Variants in SH3GL3 observed in about 807,000 individuals in gnomAD.
SH3GL3 encodes the protein SH3 domain containing GRB2 like 3, endophilin A3, also known as endophilin-A3.
SH3GL3 carries 33 observed loss-of-function variants against 47.7 expected under a neutral mutation model. The ratio of observed to expected loss-of-function variants is 0.69; its 90% CI spans 0.52 to 0.92. SH3GL3 has a LOEUF of 0.92. SH3GL3 is among the 40% of genes least tolerant of loss of function. The probability of loss-of-function intolerance (pLI) is 0.00; values close to 1 mark genes in which losing one functional copy is unlikely to be tolerated. For synonymous variants in SH3GL3, 155 were observed against 148.8 expected, an observed-to-expected ratio of 1.04 and a Z score of -0.30; for missense variants, 363 against 417.8, an observed-to-expected ratio of 0.87 and a Z score of 1.14.
intron 6 of SH3GL3, among the ~76,000 whole-genome samples, chr15:83,585,713 G>C (rs1284555150): frequency 1.3e-5 from 2 of 152,170 alleles, no homozygotes; most frequent in Non-Finnish European, 2.9e-5. Flanking sequence ...TTAAGGCTAG[G>C]CTTGTTGCTT....
chr15:83,447,615 C>A lies in SH3GL3; in HGVS notation c.45+37C>A. 2.1e-6 allele frequency: 3 copies of A among 1,423,932 alleles called. No individual in the cohort carries two copies. Among genetic ancestry groups the A allele is most frequent in the Non-Finnish European group, 2.8e-6 (3 of 1,062,382 alleles). The allele number at this position is 1,423,932 out of a possible 1,614,324, so 88.2% of individuals were successfully genotyped here. ...CAGAGGAGGGAAGGAGGGAGGGGGA[C>A]GCGGAGGCTGCGGCCCCCCGAGGCT... On this transcript the variant is annotated intron_variant, in intron 1 of 8. Coordinates refer to ENST00000427482, the MANE Select transcript of SH3GL3 (RefSeq NM_003027.5). This position sits in a 1 kb window ranked among gnomAD's most constrained non-coding sequence, Gnocchi z 5.1.
chr15:83,472,852 C>G (rs1000381346), intron 1 of SH3GL3, among the ~76,000 whole-genome samples: 1 of 152,122 alleles, frequency 6.6e-6, no homozygotes, highest in Admixed American at 6.5e-5. Context: ...TGACATTGCT[C>G]TGGTAGGGGA....
chr15:83,524,904 A>G (rs1286358980), intron 1 of SH3GL3, among the ~76,000 whole-genome samples: 1 of 151,932 alleles, frequency 6.6e-6, no homozygotes, highest in Non-Finnish European at 1.5e-5. Flanking sequence ...TTCTTTATCC[A>G]TTTATTTGTT....
intron 7 of SH3GL3, among the ~76,000 whole-genome samples, chr15:83,587,378 T>C (rs2059981949): frequency 6.6e-6 from 1 of 152,106 alleles, no homozygotes; most frequent in Admixed American, 6.5e-5. Context: ...CAAGTTGCTC[T>C]CCCACCTGGG....
chr15:83,474,020 GTCT>G (rs772122245), intron 1 of SH3GL3, among the ~76,000 whole-genome samples: 1 of 152,024 alleles, frequency 6.6e-6, no homozygotes, highest in Non-Finnish European at 1.5e-5. Context: ...ACCTTTCAGA[GTCT>G]TCTTATGTTT....
At chr15:83,449,936 T>TA (rs2039655778) in intron 1 of SH3GL3, among the ~76,000 whole-genome samples, 1 of 152,146 alleles carries the variant, frequency 6.6e-6, no homozygotes, top group South Asian at 2.1e-4. Flanking sequence ...AGCTCAATAA[T>TA]AAAAAATGCC....
intron 1 of SH3GL3, among the ~76,000 whole-genome samples, chr15:83,499,690 C>T (rs2042219753): frequency 6.6e-6 from 1 of 152,128 alleles, no homozygotes; most frequent in South Asian, 2.1e-4. Context: ...ATGAAATGAC[C>T]ACTGAATGGT....
chr15:83,450,225 A>G (rs1201683109), intron 1 of SH3GL3, among the ~76,000 whole-genome samples: 1 of 152,236 alleles, frequency 6.6e-6, no homozygotes, highest in African/African-American at 2.4e-5. Flanking sequence ...AATATGCTGA[A>G]AACCACTGAA....
chr15:83,495,226 C>T (rs1489820895), intron 1 of SH3GL3, among the ~76,000 whole-genome samples: 1 of 152,144 alleles, frequency 6.6e-6, no homozygotes, highest in Non-Finnish European at 1.5e-5. Context: ...GCCATGGCTC[C>T]TCTCCTGCTG....
At chr15:83,560,739 C>A (rs1350167169) in intron 2 of SH3GL3, among the ~76,000 whole-genome samples, 1 of 152,008 alleles carries the variant, frequency 6.6e-6, no homozygotes, top group African/African-American at 2.4e-5. Context: ...AGAAGAGATG[C>A]ATTAGATGGT....
intron 1 of SH3GL3, among the ~76,000 whole-genome samples, chr15:83,537,329 G>A (rs1179182692): frequency 1.3e-5 from 2 of 152,172 alleles, no homozygotes; most frequent in Non-Finnish European, 2.9e-5. Flanking sequence ...GGGGACAAAT[G>A]CCCCAGTTGC....
intron 8 of SH3GL3, among the ~76,000 whole-genome samples, chr15:83,612,949 G>C (rs2060710449): frequency 6.6e-6 from 1 of 152,170 alleles, no homozygotes; most frequent in Non-Finnish European, 1.5e-5. Context: ...CAACTGAAAT[G>C]GTATTATTTG....
intron 1 of SH3GL3, among the ~76,000 whole-genome samples, chr15:83,467,387 G>A (rs2040617342): frequency 6.6e-6 from 1 of 152,144 alleles, no homozygotes; most frequent in Admixed American, 6.5e-5. Context: ...CTGTTCCATT[G>A]ACCTGTATAT....
chr15:83,514,863 C>T (rs996005212), intron 1 of SH3GL3, among the ~76,000 whole-genome samples: 2 of 152,058 alleles, frequency 1.3e-5, no homozygotes, highest in East Asian at 1.9e-4. Context: ...TTCCCCTCAC[C>T]GCCAAGATGT....
At chr15:83,449,228 A>G (rs542514358) in intron 1 of SH3GL3, among the ~76,000 whole-genome samples, 1 of 152,330 alleles carries the variant, frequency 6.6e-6, no homozygotes, top group South Asian at 2.1e-4. Flanking sequence ...GTGGCACAAC[A>G]CAGGAAAGAA....
At chr15:83,560,282 C>T (rs2045198190) in intron 2 of SH3GL3, among the ~76,000 whole-genome samples, 1 of 152,166 alleles carries the variant, frequency 6.6e-6, no homozygotes, top group African/African-American at 2.4e-5. Flanking sequence ...CCCAGGATAC[C>T]TTGGCTCTGG....
chr15:83,524,880 A>G (rs2043349857), intron 1 of SH3GL3, among the ~76,000 whole-genome samples: 1 of 152,130 alleles, frequency 6.6e-6, no homozygotes, highest in Admixed American at 6.5e-5. Flanking sequence ...TCCATTGTGT[A>G]TATATTCCAC....
chr15:83,492,279 CAAAAAAAAAA>C (rs11300008), intron 1 of SH3GL3, among the ~76,000 whole-genome samples: 5 of 51,488 alleles, frequency 9.7e-5, no homozygotes, highest in African/African-American at 4.3e-4. Flanking sequence ...GACTCCCTCT[CAAAAAAAAAA>C]AAAAAAAAAA....
At chr15:83,470,015 G>T (rs530014629) in intron 1 of SH3GL3, among the ~76,000 whole-genome samples, 1 of 152,192 alleles carries the variant, frequency 6.6e-6, no homozygotes, top group Admixed American at 6.5e-5. Context: ...ATTTAGGATT[G>T]CTATGTCTAC....
Sources: gnomAD v4.1 joint callset for allele counts (sites outside exome capture counted in the v4.1 genomes callset) on GRCh38, gnomAD v4.1.1 for gene constraint, Gnocchi (gnomAD v3.1) non-coding constraint, MANE v1.5 for transcripts, NCBI Gene and HGNC (gene_info 2026-07-23, HGNC 2026-07-21) for gene names.